The following PTPRD variants were observed in gnomAD, a reference collection of about 807,000 sequenced individuals.
PTPRD encodes receptor-type tyrosine-protein phosphatase delta.
Under a neutral mutation model 214.5 loss-of-function variants are expected in PTPRD, and 34 were observed. The ratio of observed to expected loss-of-function variants is 0.16; its 90% CI spans 0.12 to 0.21. PTPRD has a LOEUF of 0.21. Among genes scored for constraint, PTPRD ranks in the 10% least tolerant of loss-of-function variants. The pLI is 1.00. For synonymous variants in PTPRD, 1,128 were observed against 845.7 expected, an observed-to-expected ratio of 1.33 and a Z score of -5.79; for missense variants, 2,545 against 2,398.7, an observed-to-expected ratio of 1.06 and a Z score of -1.27.
chr9:8,379,877 G>A (rs758901645), intron 37 of PTPRD, among the ~76,000 whole-genome samples: 7 of 152,120 alleles, frequency 4.6e-5, no homozygotes, highest in Non-Finnish European at 1.0e-4. Context: ...AGTCTCCCTG[G>A]ATGCCTGGAA....
intron 9 of PTPRD, among the ~76,000 whole-genome samples, chr9:9,367,659 T>C (rs1438087050): frequency 6.6e-6 from 1 of 151,514 alleles, no homozygotes; most frequent in Non-Finnish European, 1.5e-5. Flanking sequence ...GCTATACAAA[T>C]GGGAGCTGTT....
intron 11 of PTPRD, among the ~76,000 whole-genome samples, chr9:8,821,275 C>CTCTCTCTCTCTCTG (rs2097056648): frequency 6.9e-6 from 1 of 144,358 alleles, no homozygotes. Context: ...TTACAGCCAC[C>CTCTCTCTCTCTCTG]TCTCTCTCTC....
intron 7 of PTPRD, among the ~76,000 whole-genome samples, chr9:9,706,974 C>A (rs1182594675): frequency 6.6e-6 from 1 of 151,858 alleles, no homozygotes; most frequent in East Asian, 1.9e-4. Context: ...TTGTTATCAG[C>A]AAAGATAAAA....
rs902092688 is a variant in PTPRD, at chr9:10,257,164, T to C, written c.-545+83799A>G. ...TAAGATAAGAAGATAAATTAATGAC[T>C]GAAGAACTTAACATATACTGGTTTT... On this transcript the variant is annotated intron_variant, in intron 3 of 45. Transcript: ENST00000381196. Among the ~76,000 whole-genome samples the C allele has an allele frequency of 2.6e-5, 4 of 152,342 alleles. 1 individual carries two copies. The highest frequency in any genetic ancestry group is 7.2e-5 in the African/African-American group (3 of 41,584).
intron 11 of PTPRD, among the ~76,000 whole-genome samples, chr9:8,804,738 T>C (rs752560188): frequency 6.6e-6 from 1 of 152,106 alleles, no homozygotes; most frequent in African/African-American, 2.4e-5. Flanking sequence ...CCACAGACCT[T>C]GATGAGTGGC....
intron 11 of PTPRD, among the ~76,000 whole-genome samples, chr9:8,951,851 G>A (rs188364312): frequency 1.7e-4 from 26 of 152,046 alleles, no homozygotes; most frequent in African/African-American, 6.0e-4. Context: ...TCACACAGCA[G>A]TGAAAATTTT....
chr9:10,473,878 A>G (rs2099046617), intron 2 of PTPRD, among the ~76,000 whole-genome samples: 1 of 152,030 alleles, frequency 6.6e-6, no homozygotes, highest in South Asian at 2.1e-4. Context: ...AATGTTGATG[A>G]TTCAGTGCAA....
chr9:9,629,238 G>GTGTGTA (rs149327972), intron 7 of PTPRD, among the ~76,000 whole-genome samples: 2 of 140,368 alleles, frequency 1.4e-5, no homozygotes, highest in African/African-American at 5.6e-5. Context: ...GTGTGTGTGT[G>GTGTGTA]TATATATATA....
chr9:9,449,313 T>A (rs1429912570), intron 8 of PTPRD, among the ~76,000 whole-genome samples: 1 of 152,114 alleles, frequency 6.6e-6, no homozygotes, highest in Non-Finnish European at 1.5e-5. Context: ...TGTAAGATTA[T>A]CTCAAACATT....
intron 30 of PTPRD, among the ~76,000 whole-genome samples, chr9:8,474,853 C>T (rs911572346): frequency 2.0e-5 from 3 of 151,902 alleles, no homozygotes; most frequent in African/African-American, 7.3e-5. Context: ...GAAGGGCTGG[C>T]CCTACTTTTG....
chr9:8,464,873 A>G (rs556707214), intron 32 of PTPRD, among the ~76,000 whole-genome samples: 1 of 151,964 alleles, frequency 6.6e-6, no homozygotes, highest in African/African-American at 2.4e-5. Flanking sequence ...TGATACAGTC[A>G]CTCATAAATT....
chr9:8,485,034 C>G (rs2096969233), intron 29 of PTPRD, among the ~76,000 whole-genome samples, 193 bp downstream of exon 29: 1 of 152,174 alleles, frequency 6.6e-6, no homozygotes, highest in African/African-American at 2.4e-5. Context: ...ATTTAAGCTC[C>G]TGCTCCTTCT....
intron 10 of PTPRD, among the ~76,000 whole-genome samples, chr9:9,133,196 T>C (rs10511521): frequency 0.032 from 4,876 of 152,198 alleles, 172 homozygotes; most frequent in African/African-American, 0.081. Context: ...CCTAAAACCA[T>C]TGGAAGAGAA....
chr9:10,202,593 T>C (rs1167447669), intron 3 of PTPRD, among the ~76,000 whole-genome samples: 1 of 148,854 alleles, frequency 6.7e-6, no homozygotes, highest in Non-Finnish European at 1.5e-5. Flanking sequence ...AAATAGTCAT[T>C]TAGGAAGTTA....
At chr9:8,329,955 G>A (rs1338635964) in intron 44 of PTPRD, among the ~76,000 whole-genome samples, 2 of 55,640 alleles carry the variant, frequency 3.6e-5, no homozygotes, top group African/African-American at 9.3e-4. Flanking sequence ...TGGGCTCTGT[G>A]GGAGTGGATC....
At chr9:10,572,864 C>T (rs909327651) in intron 2 of PTPRD, among the ~76,000 whole-genome samples, 10 of 152,152 alleles carry the variant, frequency 6.6e-5, no homozygotes, top group African/African-American at 2.4e-4. Context: ...CTCCAATTTG[C>T]CCCGTTTCTT....
chr9:9,704,255 TTC>T (rs1433474721), intron 7 of PTPRD, among the ~76,000 whole-genome samples: 44 of 152,142 alleles, frequency 2.9e-4, no homozygotes, highest in African/African-American at 9.7e-4. Context: ...TTCTTCTTTT[TTC>T]TTTTTTTTTG....
intron 12 of PTPRD, among the ~76,000 whole-genome samples, chr9:8,644,705 C>G (rs1292557803): frequency 1.3e-5 from 2 of 152,176 alleles, no homozygotes; most frequent in Admixed American, 6.5e-5. Context: ...CGCTGCCTCA[C>G]GGAGAACTGG....
Position 8,320,088 on chromosome 9 carries a change from G to A in PTPRD, c.5535-122C>T, listed in dbSNP as rs557761573. On this transcript the variant is annotated intron_variant, in intron 44 of 45. Coordinates refer to ENST00000381196, the MANE Select transcript of PTPRD (RefSeq NM_002839.4). ...CCGTATCTCTTTATAGCCATATTCA[G>A]GAAAACATGGTATCACATTCATCAA... The A allele has an allele frequency of 1.9e-5, 23 of 1,191,500 alleles. 1 individual carries two copies. In the South Asian group the frequency reaches 3.9e-4, roughly 20 times the overall value. The allele number at this position is 1,191,500 out of a possible 1,614,324, so 73.8% of individuals were successfully genotyped here.
Sources: gnomAD v4.1 joint callset for allele counts (sites outside exome capture counted in the v4.1 genomes callset) on GRCh38, gnomAD v4.1.1 for gene constraint, MANE v1.5 for transcripts, NCBI Gene and HGNC (gene_info 2026-07-23, HGNC 2026-07-21) for gene names.